SPTSSA: variants seen among roughly 807,000 people sequenced by gnomAD.
SPTSSA encodes the protein small subunit of serine palmitoyltransferase A.
SPTSSA carries 8 observed loss-of-function variants against 9.1 expected under a neutral mutation model. The ratio of observed to expected loss-of-function variants is 0.88; its 90% confidence interval spans 0.51 to 1.58. SPTSSA has a LOEUF of 1.58. Among genes scored for constraint, SPTSSA ranks in the 40% most tolerant of loss-of-function variants. The probability of loss-of-function intolerance (pLI) is 0.00; values close to 1 mark genes in which losing one functional copy is unlikely to be tolerated. For synonymous variants in SPTSSA, 42 were observed against 37.7 expected (o/e 1.11, Z -0.41); for missense variants, 100 against 93.8 (o/e 1.07, Z -0.27).
intron 1 of SPTSSA, among the ~76,000 whole-genome samples, chr14:34,443,739 T>C (rs910272973): frequency 5.3e-5 from 8 of 152,144 alleles, no homozygotes; most frequent in African/African-American, 9.7e-5. Flanking sequence ...TTTCACCATG[T>C]TGGTCAGGCT....
At chr14:34,455,606 A>C (rs1406823752) in intron 1 of SPTSSA, among the ~76,000 whole-genome samples, 1 of 152,000 alleles carries the variant, frequency 6.6e-6, no homozygotes, top group African/African-American at 2.4e-5. Flanking sequence ...CCAAACTCCC[A>C]AATACTTTAA....
chr14:34,445,834 C>G (rs10136474), intron 1 of SPTSSA, among the ~76,000 whole-genome samples: 13,728 of 152,146 alleles, frequency 0.09, 1,298 homozygotes, highest in African/African-American at 0.23. Context: ...TATAATTATG[C>G]TTATTATGTT....
In SPTSSA at chr14:34,444,487, C is replaced by T. The variant is rs1159008240; in HGVS notation, c.113-9183G>A. Among the ~76,000 whole-genome samples the T allele has an allele frequency of 2.0e-5, 3 of 152,262 alleles. No homozygotes were observed. In the South Asian group the frequency reaches 6.2e-4, roughly 32 times the overall value. On this transcript the variant is annotated intron_variant, in intron 1 of 1. Coordinates refer to ENST00000298130, the MANE Select transcript of SPTSSA (RefSeq NM_138288.4). Reference sequence around the variant, plus strand: ...CTAAGAGTCAGGCCAGGCGCGGTGGCTCACACCTGTAATCCCAGCACTTTG... The same window carrying T: ...CTAAGAGTCAGGCCAGGCGCGGTGGTTCACACCTGTAATCCCAGCACTTTG...
chr14:34,450,289 T>C (rs1288132605), intron 1 of SPTSSA, among the ~76,000 whole-genome samples: 1 of 152,246 alleles, frequency 6.6e-6, no homozygotes, highest in Non-Finnish European at 1.5e-5. Context: ...ACAACCTCTC[T>C]GGACCTGAGT....
chr14:34,436,137 G>A (rs1006365906), intron 1 of SPTSSA, among the ~76,000 whole-genome samples: 6 of 152,078 alleles, frequency 3.9e-5, no homozygotes, highest in African/African-American at 1.4e-4. Context: ...ACTAGCTTAG[G>A]GATGACAGCA....
At chr14:34,437,188 G>A (rs1386276958) in intron 1 of SPTSSA, among the ~76,000 whole-genome samples, 4 of 152,066 alleles carry the variant, frequency 2.6e-5, no homozygotes, top group African/African-American at 9.7e-5. Context: ...GAGCCGGAAG[G>A]GCACCACTGC....
At chr14:34,455,431 T>C (rs80286286) in intron 1 of SPTSSA, among the ~76,000 whole-genome samples, 1,747 of 152,036 alleles carry the variant, frequency 0.011, 35 homozygotes, top group African/African-American at 0.04. Flanking sequence ...ATTCACAGAA[T>C]ATCTCAGGAG....
intron 1 of SPTSSA, among the ~76,000 whole-genome samples, chr14:34,436,912 C>T (rs185350175): frequency 8.3e-4 from 125 of 150,976 alleles, no homozygotes; most frequent in Non-Finnish European, 1.6e-3. Context: ...CTTAAACTGC[C>T]GCCTTCTATT....
intron 1 of SPTSSA, among the ~76,000 whole-genome samples, chr14:34,438,185 C>G (rs1488620661): frequency 6.6e-6 from 1 of 152,092 alleles, no homozygotes. Context: ...AAATGGAATT[C>G]CCATCGTTTT....
chr14:34,458,663 ATTTTT>A (rs35426259), intron 1 of SPTSSA, among the ~76,000 whole-genome samples: 4 of 89,620 alleles, frequency 4.5e-5, no homozygotes, highest in Non-Finnish European at 8.3e-5. Context: ...CACTCAGCTA[ATTTTT>A]TTTTTTTTTT....
At chr14:34,451,519 C>A (rs370473732) in intron 1 of SPTSSA, among the ~76,000 whole-genome samples, 3 of 151,850 alleles carry the variant, frequency 2.0e-5, no homozygotes, top group African/African-American at 4.8e-5. Context: ...GTCAGGAGAT[C>A]GAGACCGTCC....
rs149717054 is a variant in SPTSSA at position 34,435,433 on chromosome 14, T to TA, written c.113-130dup. 4,067 of 562,514 alleles carry TA rather than the reference T, an allele frequency of 7.2e-3. 117 individuals carry two copies. The highest frequency in any genetic ancestry group is 0.064 in the African/African-American group (3,349 of 52,102). The allele number at this position is 562,514 out of a possible 1,614,324, so 34.8% of individuals were successfully genotyped here. ...CTTTCTCATTTATATCAAGCACTGA[T>TA]AAAAAAAACAACAAGAATGATAATA... is the stretch of plus-strand genomic sequence containing the variant. On this transcript the variant is annotated intron_variant, in intron 1 of 1. Coordinates refer to ENST00000298130, the MANE Select transcript of SPTSSA (RefSeq NM_138288.4).
chr14:34,451,138 T>C (rs906975639), intron 1 of SPTSSA, among the ~76,000 whole-genome samples: 2 of 151,024 alleles, frequency 1.3e-5, no homozygotes, highest in East Asian at 1.9e-4. Flanking sequence ...AACAAAACCA[T>C]AGCAACTAAC....
chr14:34,446,889 A>C (rs1057140092), intron 1 of SPTSSA, among the ~76,000 whole-genome samples: 37 of 152,274 alleles, frequency 2.4e-4, no homozygotes, highest in African/African-American at 8.7e-4. Context: ...AATACATAGA[A>C]TGCAGGTTAT....
chr14:34,440,737 CA>C (rs1301979642), intron 1 of SPTSSA, among the ~76,000 whole-genome samples: 1 of 151,988 alleles, frequency 6.6e-6, no homozygotes, highest in Admixed American at 6.6e-5. Context: ...CAAAATTAGC[CA>C]GGTGTGGTGG....
intron 1 of SPTSSA, among the ~76,000 whole-genome samples, chr14:34,443,615 A>C (rs1883369421): frequency 6.7e-6 from 1 of 148,720 alleles, no homozygotes; most frequent in South Asian, 2.1e-4. Context: ...AGCTCACTGC[A>C]ACCTCTGCCT....
intron 1 of SPTSSA, among the ~76,000 whole-genome samples, chr14:34,438,984 A>G (rs1442682359): frequency 6.6e-6 from 1 of 152,158 alleles, no homozygotes; most frequent in Admixed American, 6.5e-5. Flanking sequence ...ACAGAAGTAG[A>G]TAGGGACTGA....
intron 1 of SPTSSA, among the ~76,000 whole-genome samples, chr14:34,447,351 G>A (rs759763511): frequency 7.3e-5 from 11 of 150,680 alleles, no homozygotes; most frequent in Admixed American, 1.3e-4. Context: ...AGCATACTCC[G>A]AACTCTTGGT....
At chr14:34,443,510 TGTGTG>T (rs1433745120) in intron 1 of SPTSSA, among the ~76,000 whole-genome samples, 2 of 16,492 alleles carry the variant, frequency 1.2e-4, no homozygotes, top group East Asian at 1.7e-3. Context: ...GGGGAGGGTG[TGTGTG>T]TGTGTGTGTG....
Sources: gnomAD v4.1 joint callset for allele counts (sites outside exome capture counted in the v4.1 genomes callset) on GRCh38, gnomAD v4.1.1 for gene constraint, MANE v1.5 for transcripts, NCBI Gene and HGNC (gene_info 2026-07-23, HGNC 2026-07-21) for gene names.